SERGEF: variants seen among roughly 807,000 people sequenced by gnomAD.
The protein encoded by SERGEF is secretion regulating guanine nucleotide exchange factor, also known as secretion-regulating guanine nucleotide exchange factor.
A neutral mutation model predicts 50.0 loss-of-function variants in SERGEF; 51 were observed. That is an observed-to-expected ratio of 1.02 (90% CI 0.81 to 1.29). The LOEUF (loss-of-function observed/expected upper bound fraction) is 1.29. Ranked by LOEUF, SERGEF falls within the 50% of genes most tolerant of loss-of-function variation. The pLI, the probability that SERGEF is intolerant of heterozygous loss-of-function variation, is 0.00. For synonymous variants in SERGEF, 205 were observed against 212.4 expected (o/e 0.97, Z 0.30); for missense variants, 521 against 557.0 (o/e 0.94, Z 0.65).
intron 9 of SERGEF, among the ~76,000 whole-genome samples, chr11:17,903,351 A>G (rs975638890): frequency 2.0e-5 from 3 of 152,220 alleles, no homozygotes; most frequent in Non-Finnish European, 4.4e-5. Flanking sequence ...TCCAGTCACA[A>G]GAAGATACAG....
At chr11:17,938,635 ATTAAG>A (rs1278423520) in intron 9 of SERGEF, among the ~76,000 whole-genome samples, 1 of 152,184 alleles carries the variant, frequency 6.6e-6, no homozygotes. Flanking sequence ...CACTTTAGTT[ATTAAG>A]TTGTCAGTGA....
intron 9 of SERGEF, among the ~76,000 whole-genome samples, chr11:17,883,918 TTCAAATC>T (rs56359128): frequency 0.38 from 58,308 of 151,550 alleles, 11,251 homozygotes; most frequent in South Asian, 0.41. Flanking sequence ...CGCCAGATTG[TTCAAATC>T]TGAACATTCT....
intron 8 of SERGEF, among the ~76,000 whole-genome samples, chr11:17,983,358 C>T (rs1853529660): frequency 6.6e-6 from 1 of 152,176 alleles, no homozygotes; most frequent in Non-Finnish European, 1.5e-5. Context: ...CAACTTGTCA[C>T]CCATCCAGAG....
At chr11:17,971,626 C>T (rs1853250767) in intron 8 of SERGEF, among the ~76,000 whole-genome samples, 1 of 152,120 alleles carries the variant, frequency 6.6e-6, no homozygotes. Flanking sequence ...TGACCAAGAC[C>T]CTGGTCACTC....
intron 1 of SERGEF, chr11:18,012,731 CG>C (rs1338951151): frequency 4.5e-6 from 6 of 1,347,816 alleles, no homozygotes; most frequent in Non-Finnish European, 4.9e-6. Context: ...GCCCTGACCC[CG>C]CCAGCCGGCA....
chr11:17,819,557 T>C lies in SERGEF; in HGVS notation c.1049-31144A>G, dbSNP rs181084819. On this transcript the variant is annotated intron_variant, in intron 10 of 10. Transcript: ENST00000265965. ...CGGTGAATGAGAGGCAGAGCAGGGA[T>C]TTGGTTCTTGATCTTTTTCTACTCT... Among the ~76,000 whole-genome samples the C allele has an allele frequency of 1.4e-3, 206 of 152,254 alleles. 2 individuals are homozygous for C. The Middle Eastern group carries it at 0.017, about 13-fold the overall frequency.
chr11:17,803,254 C>T (rs760075398), intron 10 of SERGEF, among the ~76,000 whole-genome samples: 1 of 152,240 alleles, frequency 6.6e-6, no homozygotes, highest in Non-Finnish European at 1.5e-5. Context: ...GTTGAACAGA[C>T]CACCTCCAAC....
chr11:17,794,149 T>C (rs1849533848), intron 10 of SERGEF, among the ~76,000 whole-genome samples: 1 of 152,206 alleles, frequency 6.6e-6, no homozygotes, highest in Admixed American at 6.5e-5. Context: ...AATAAAGACA[T>C]TTCCCAACCT....
At chr11:17,842,923 C>T (rs1257406682) in intron 10 of SERGEF, among the ~76,000 whole-genome samples, 2 of 152,190 alleles carry the variant, frequency 1.3e-5, no homozygotes, top group South Asian at 2.1e-4. Flanking sequence ...GATATGCTAA[C>T]GAAACCAACG....
intron 10 of SERGEF, chr11:17,856,652 C>T (rs1332592310): frequency 1.3e-5 from 2 of 152,170 alleles, no homozygotes; most frequent in Non-Finnish European, 2.9e-5. Flanking sequence ...CATAGTTTCC[C>T]CATCTGTGAA....
At chr11:17,971,724 A>C (rs973030209) in intron 8 of SERGEF, among the ~76,000 whole-genome samples, 1 of 152,226 alleles carries the variant, frequency 6.6e-6, no homozygotes, top group Non-Finnish European at 1.5e-5. Context: ...AGGATCAAGG[A>C]GTCATTTTGT....
At chr11:17,816,887 C>A (rs1354787958) in intron 10 of SERGEF, among the ~76,000 whole-genome samples, 1 of 152,170 alleles carries the variant, frequency 6.6e-6, no homozygotes, top group African/African-American at 2.4e-5. Flanking sequence ...ATGACTTCAC[C>A]TTCAGATCAG....
chr11:17,957,424 A>G (rs895327708), intron 9 of SERGEF, among the ~76,000 whole-genome samples: 1 of 152,224 alleles, frequency 6.6e-6, no homozygotes, highest in Admixed American at 6.5e-5. Context: ...AGACTCGGAA[A>G]AATCTAAGAA....
chr11:18,002,269 A>G lies in SERGEF; in HGVS notation c.448-1712T>C, dbSNP rs187534853. Among the ~76,000 whole-genome samples the G allele has an allele frequency of 5.3e-5, 8 of 152,224 alleles. No homozygotes were observed. The East Asian group carries it at 5.8e-4, about 11-fold the overall frequency. On this transcript the variant is annotated intron_variant, in intron 4 of 10. Coordinates refer to ENST00000265965, the MANE Select transcript of SERGEF (RefSeq NM_012139.4). ...TGTTGCTGCTTTAGTTTGAGCCACA[A>G]TTGTTTCATTTGGATTGTTAGCAAG...
intron 9 of SERGEF, among the ~76,000 whole-genome samples, chr11:17,918,325 C>T (rs1852085325): frequency 6.6e-6 from 1 of 152,198 alleles, no homozygotes; most frequent in African/African-American, 2.4e-5. Flanking sequence ...AAACTATTTA[C>T]ATCATGGCTT....
intron 7 of SERGEF, 37 bp downstream of exon 7, chr11:17,992,894 G>C: frequency 6.4e-7 from 1 of 1,567,450 alleles, no homozygotes; most frequent in Non-Finnish European, 8.8e-7. Flanking sequence ...ACAGAATCCT[G>C]AATGGCATGT....
intron 9 of SERGEF, among the ~76,000 whole-genome samples, chr11:17,917,561 T>C (rs1448582607): frequency 6.6e-6 from 1 of 152,134 alleles, no homozygotes; most frequent in Non-Finnish European, 1.5e-5. Context: ...CAAAAATCTA[T>C]GGAAATATAA....
At chr11:17,850,500 C>A (rs1051554847) in intron 10 of SERGEF, among the ~76,000 whole-genome samples, 1 of 152,188 alleles carries the variant, frequency 6.6e-6, no homozygotes, top group Middle Eastern at 3.2e-3. Context: ...AACAGCACAA[C>A]TGATCATTCT....
chr11:17,946,040 T>A (rs529703437), intron 9 of SERGEF, among the ~76,000 whole-genome samples: 10 of 152,088 alleles, frequency 6.6e-5, no homozygotes, highest in African/African-American at 2.2e-4. Flanking sequence ...TCCAGGTGAT[T>A]AAGAGCTCTA....
Sources: allele counts gnomAD v4.1 joint callset (sites outside exome capture counted in the v4.1 genomes callset), GRCh38; gene constraint gnomAD v4.1.1; transcripts MANE v1.5; gene names NCBI Gene and HGNC (gene_info 2026-07-23, HGNC 2026-07-21).